Variants in ATP1A3 observed in about 807,000 individuals in gnomAD.
The protein encoded by ATP1A3 is sodium/potassium-transporting ATPase subunit alpha-3.
A neutral mutation model predicts 108.8 loss-of-function variants in ATP1A3; 12 were observed. That is an observed-to-expected ratio of 0.11 (90% CI 0.07 to 0.18). ATP1A3 has a LOEUF of 0.18. ATP1A3 is among the 10% of genes least tolerant of loss of function. The pLI is 1.00. For missense variants in ATP1A3, 498 were observed against 1,387.7 expected, an observed-to-expected ratio of 0.36 and a Z score of 10.19; for synonymous variants, 539 against 564.5, an observed-to-expected ratio of 0.95 and a Z score of 0.64.
At position 41,976,455 on chromosome 19, in the gene ATP1A3, G is replaced by A; in HGVS notation, c.2055C>T (p.Pro685=). Residue 685 remains proline (P), a synonymous_variant, in exon 15 of 23, where the codon CCC becomes CCT. Transcript: ENST00000648268. The stretch of plus-strand genomic sequence containing the variant: ...CCTCCACAATGATGAGCTTCTGCTG[G>A]GGGGATGTGCGGGCGAAGACGATCT... The part of the protein sequence containing the change: ...HTEIVFARTS[P]QQKLIIVEGC... The A allele has an allele frequency of 6.2e-7, 1 of 1,614,200 alleles. No homozygotes were observed. Among genetic ancestry groups the A allele is most frequent in the Non-Finnish European group, 8.5e-7 (1 of 1,180,044 alleles).
In ATP1A3 at chr19:41,993,607, C is replaced by A. The variant is rs1009957119; in HGVS notation, c.6+464G>T. On this transcript the variant is annotated intron_variant, in intron 1 of 22. Transcript: ENST00000648268. ...GAAAGAGAGGTCATCTGGTGTCCAT[C>A]CCACAACGTGGACCTATCCGCACCC... is the stretch of plus-strand genomic sequence containing the variant. 16 of 928,166 alleles carry A rather than the reference C, an allele frequency of 1.7e-5. No individual in the cohort carries two copies. The East Asian group carries it at 1.9e-4, about 11-fold the overall frequency. 57.5% of individuals were successfully genotyped at this position (928,166 alleles called of 1,614,324 possible).
At position 41,967,463 on chromosome 19, in the gene ATP1A3, G is replaced by A; in HGVS notation, c.2922-123C>T. 1.6e-6 allele frequency: 2 copies of A among 1,280,094 alleles called. No individual in the cohort carries two copies. Among genetic ancestry groups the A allele is most frequent in the Non-Finnish European group, 1.1e-6 (1 of 923,632 alleles). 79.3% of individuals were successfully genotyped at this position (1,280,094 alleles called of 1,614,324 possible). ...TCCTTCGTGCTCACAGGTGGAGGGT[G>A]CCCTGGGCGGGGCTGGGGCCTGGGG... On this transcript the variant is annotated intron_variant, in intron 21 of 22. Transcript: ENST00000648268. This position sits in a 1 kb window ranked among gnomAD's most constrained non-coding sequence, Gnocchi z 4.2.
intron 11 of ATP1A3, among the ~76,000 whole-genome samples, chr19:41,980,173 G>T (rs1344943742): frequency 6.6e-6 from 1 of 152,208 alleles, no homozygotes; most frequent in Non-Finnish European, 1.5e-5. Flanking sequence ...CAACCACTAC[G>T]ATTACCTCCT....
intron 16 of ATP1A3, 48 bp from the exon 17 acceptor site, chr19:41,970,590 A>G (rs1416616701): frequency 1.3e-6 from 2 of 1,541,220 alleles, no homozygotes; most frequent in Non-Finnish European, 1.8e-6. Context: ...AGGGAGCCCC[A>G]CTCCCTCTGC....
intron 1 of ATP1A3, chr19:41,993,521 A>T: frequency 8.2e-7 from 1 of 1,215,114 alleles, no homozygotes; most frequent in Non-Finnish European, 1.1e-6. Context: ...ACACACACAC[A>T]CACACACACA....
At chr19:41,969,964 G>A (rs1023021608) in intron 18 of ATP1A3, among the ~76,000 whole-genome samples, 5 of 152,338 alleles carry the variant, frequency 3.3e-5, no homozygotes, top group South Asian at 2.1e-4. Flanking sequence ...GCCCCCAAGG[G>A]TGGCTGCTCC....
At position 41,969,475 on chromosome 19, in the gene ATP1A3, C is replaced by T. The variant is rs782627825; in HGVS notation, c.2648G>A (p.Arg883His). Residue 883 changes from arginine (R) to histidine (H), a missense_variant, in exon 19 of 23, where the codon CGC (arginine) becomes CAC (histidine). Physicochemically the swap from Arg to His is conservative, Grantham distance 29 (BLOSUM62 0). Around this residue, in one of 9 missense-constraint regions of ATP1A3, gnomAD observed 121 missense variants for 425.1 expected, o/e 0.28. Coordinates refer to ENST00000648268, the MANE Select transcript of ATP1A3 (RefSeq NM_152296.5). ...ACTGTCTTCCAGGTCATTGACGGTGCGGTCATCCCAGTTCAGCCGGATGCC... is the reference window on the plus strand; with the variant it reads ...ACTGTCTTCCAGGTCATTGACGGTGTGGTCATCCCAGTTCAGCCGGATGCC... ...LVGIRLNWDD[R>H]TVNDLEDSYG... 17 of 1,614,068 alleles carry T rather than the reference C, an allele frequency of 1.1e-5. No homozygotes were observed. The highest frequency in any genetic ancestry group is 5.0e-5 in the Admixed American group (3 of 60,012).
rs782674903 is a variant in ATP1A3 at position 41,970,235 on chromosome 19, G to A, written c.2492C>T (p.Thr831Met). The part of the protein sequence containing the change: ...IMKRQPRNPR[T>M]DKLVNERLIS... ...GAGTCTCTCATTGACCAATTTGTCC[G>A]TCCGCGGGTTCCTGGGCTGTCTCTT... Residue 831 changes from threonine to methionine, a missense_variant, in exon 18 of 23, where the codon ACG becomes ATG. By Grantham distance (81) the Thr-to-Met change is moderately conservative (BLOSUM62 -1). Transcript: ENST00000648268. 7.4e-6 allele frequency: 12 copies of A among 1,614,228 alleles called. No homozygotes were observed. The highest frequency in any genetic ancestry group is 6.6e-5 in the South Asian group (6 of 91,088).
intron 14 of ATP1A3, 51 bp from the exon 15 acceptor site, chr19:41,976,617 G>T (rs782488256): frequency 6.2e-7 from 1 of 1,609,900 alleles, no homozygotes; most frequent in African/African-American, 1.3e-5. Flanking sequence ...GTGAGGAGTG[G>T]CAAAGTGATC....
chr19:41,986,977 C>T (rs1301712776), intron 4 of ATP1A3, among the ~76,000 whole-genome samples: 1 of 152,058 alleles, frequency 6.6e-6, no homozygotes, highest in Non-Finnish European at 1.5e-5. Flanking sequence ...CTCCTGGTCT[C>T]AAGTTACCCT....
chr19:41,967,936 G>A lies in ATP1A3; in HGVS notation c.2820-173C>T, dbSNP rs1487359369. ...AGATGGGGAGACATGCCCCGACAGA[G>A]AGAGACAAAGATAGAGGCAGAGCGA... On this transcript the variant is annotated intron_variant, in intron 20 of 22. Coordinates refer to ENST00000648268, the MANE Select transcript of ATP1A3 (RefSeq NM_152296.5). This position sits in a 1 kb window ranked among gnomAD's most constrained non-coding sequence, Gnocchi z 4.2. 1.3e-5 allele frequency among the ~76,000 whole-genome samples: 2 copies of A among 152,038 alleles called. No individual in the cohort carries two copies. The highest frequency in any genetic ancestry group is 4.8e-5 in the African/African-American group (2 of 41,376).
intron 11 of ATP1A3, among the ~76,000 whole-genome samples, chr19:41,980,814 G>A (rs2075222860): frequency 6.6e-6 from 1 of 151,922 alleles, no homozygotes; most frequent in African/African-American, 2.4e-5. Flanking sequence ...TGGAGGCTGA[G>A]GCAGGAGAAT....
chr19:41,979,424 C>A (rs2075206983), intron 11 of ATP1A3, among the ~76,000 whole-genome samples: 1 of 152,208 alleles, frequency 6.6e-6, no homozygotes, highest in South Asian at 2.1e-4. Flanking sequence ...ATGCGATCCT[C>A]CCGCTTCGGT....
At chr19:41,979,720 G>C (rs1256364217) in intron 11 of ATP1A3, among the ~76,000 whole-genome samples, 5 of 152,180 alleles carry the variant, frequency 3.3e-5, no homozygotes, top group African/African-American at 1.2e-4. Context: ...GGTGACAGCT[G>C]AGAGATGTGG....
rs1555862337 is a variant in ATP1A3 at position 41,978,742 on chromosome 19, C to T, written c.1494G>A (p.Lys498=). The T allele has an allele frequency of 6.2e-7, 1 of 1,613,970 alleles. No individual in the cohort carries two copies. Among genetic ancestry groups the T allele is most frequent in the Admixed American group, 1.7e-5 (1 of 60,008 alleles). ...GGTCCAGGATGCGCTCGGGGGCACC[C>T]TTCATCACCAGCAGGTATCGGTTGT... The part of the protein sequence containing the change: ...PNDNRYLLVM[K]GAPERILDRC... The change falls in exon 12 of 23, where the codon AAG becomes AAA. Residue 498 remains lysine (K), a synonymous_variant. Coordinates refer to ENST00000648268, the MANE Select transcript of ATP1A3 (RefSeq NM_152296.5). The surrounding 1 kb of genome is among the most constrained non-coding windows in gnomAD (Gnocchi z 8.3).
chr19:41,990,180 T>C (rs2075323294), intron 1 of ATP1A3, among the ~76,000 whole-genome samples: 1 of 152,090 alleles, frequency 6.6e-6, no homozygotes, highest in Non-Finnish European at 1.5e-5. Context: ...CCTGTCTCTT[T>C]TCCTGTTTCA....
At chr19:41,975,414 G>A (rs148740692) in intron 16 of ATP1A3, among the ~76,000 whole-genome samples, 7 of 152,260 alleles carry the variant, frequency 4.6e-5, no homozygotes, top group African/African-American at 1.7e-4. Flanking sequence ...GCTGGATGAC[G>A]CAGGGACCCT....
intron 11 of ATP1A3, among the ~76,000 whole-genome samples, chr19:41,980,743 C>G (rs2075222105): frequency 6.6e-6 from 1 of 151,974 alleles, no homozygotes; most frequent in Non-Finnish European, 1.5e-5. Flanking sequence ...AACCCCGTCT[C>G]TACTAAAAAT....
In ATP1A3 at chr19:41,970,430, CA is replaced by C. The variant is rs2075091053; in HGVS notation, c.2375del (p.Leu792ArgfsTer31). ...LFIMANIPLP[L>X]GTITILCIDL... ...CGATGCAGAGGATGGTGATGGTGCC[CA>C]GGGGCAGCGGGATGTTGGCCATGAT... On this transcript the variant is annotated frameshift_variant, in exon 17 of 23. Coordinates refer to ENST00000648268, the MANE Select transcript of ATP1A3 (RefSeq NM_152296.5). LOFTEE classifies it high-confidence loss of function. 6.2e-7 allele frequency: 1 copy of C among 1,614,092 alleles called. No homozygotes were observed. Among genetic ancestry groups the C allele is most frequent in the Non-Finnish European group, 8.5e-7 (1 of 1,180,006 alleles).
Sources: gnomAD v4.1 joint callset for allele counts (sites outside exome capture counted in the v4.1 genomes callset) on GRCh38, gnomAD v4.1.1 for gene constraint, gnomAD v4.1.1 regional missense constraint, Gnocchi (gnomAD v3.1) non-coding constraint, MANE v1.5 for transcripts, NCBI Gene and HGNC (gene_info 2026-07-23, HGNC 2026-07-21) for gene names.